Variants in MTHFD1 observed in about 807,000 individuals in gnomAD.
MTHFD1 encodes the protein methylenetetrahydrofolate dehydrogenase, cyclohydrolase and formyltetrahydrofolate synthetase 1, also known as C-1-tetrahydrofolate synthase, cytoplasmic.
In MTHFD1, 44 loss-of-function variants were observed where a neutral mutation model predicts 110.3. The ratio of observed to expected loss-of-function variants is 0.40; its 90% confidence interval spans 0.31 to 0.51. MTHFD1 has a LOEUF of 0.51. Among genes scored for constraint, MTHFD1 ranks in the 20% least tolerant of loss-of-function variants. The pLI, the probability that MTHFD1 is intolerant of heterozygous loss-of-function variation, is 0.60. For synonymous variants in MTHFD1, 402 were observed against 428.8 expected (o/e 0.94, Z 0.77); for missense variants, 909 against 1,173.1 (o/e 0.77, Z 3.29).
At chr14:64,430,348 G>A in intron 13 of MTHFD1, 118 bp downstream of exon 13, 1 of 958,594 alleles carries the variant, frequency 1.0e-6, no homozygotes, top group African/African-American at 1.6e-5. Flanking sequence ...CCCAGAGCTG[G>A]AGTGCAATGG....
chr14:64,418,106 G>C, intron 7 of MTHFD1, 82 bp downstream of exon 7: 1 of 1,524,208 alleles, frequency 6.6e-7, no homozygotes, highest in Admixed American at 1.7e-5. Context: ...TTACACTCAT[G>C]ACCTCATTTA....
chr14:64,425,552 C>T (rs573487726), intron 9 of MTHFD1, among the ~76,000 whole-genome samples, 178 bp from the exon 10 acceptor site: 3 of 152,172 alleles, frequency 2.0e-5, no homozygotes, highest in East Asian at 1.9e-4. Context: ...AGGGGCCAGG[C>T]GAGCAGCCCC....
At chr14:64,415,550 T>C (rs1262039351) in intron 5 of MTHFD1, 56 bp downstream of exon 5, 14 of 1,613,506 alleles carry the variant, frequency 8.7e-6, no homozygotes, top group African/African-American at 8.0e-5. Flanking sequence ...ATAATATGTT[T>C]CTATTTGGGG....
At chr14:64,449,768 C>A in intron 24 of MTHFD1, 146 bp downstream of exon 24, 1 of 894,538 alleles carries the variant, frequency 1.1e-6, no homozygotes, top group Non-Finnish European at 1.8e-6. Context: ...ACAACCACAG[C>A]CTGGACTCCC....
chr14:64,414,143 C>CGCCA (rs1252878232), intron 4 of MTHFD1, among the ~76,000 whole-genome samples: 2 of 151,980 alleles, frequency 1.3e-5, no homozygotes, highest in East Asian at 3.9e-4. Flanking sequence ...TACAGGCATG[C>CGCCA]GCCACCACGC....
At chr14:64,393,632 G>A (rs148570394) in intron 1 of MTHFD1, among the ~76,000 whole-genome samples, 8 of 152,262 alleles carry the variant, frequency 5.3e-5, no homozygotes, top group African/African-American at 1.7e-4. Flanking sequence ...CAACTACTAT[G>A]GTCATGGCAC....
Position 64,442,110 on chromosome 14 carries a change from C to T in MTHFD1, c.1941C>T (p.Ser647=), listed in dbSNP as rs565015496. ...TTGCCAACATCGCACATGGCAATTC[C>T]TCCATCATTGCAGACCGGATCGCAC... ...GPFANIAHGN[S]SIIADRIALK... is the part of the protein sequence containing the mutation. Residue 647 remains serine, a synonymous_variant, in exon 20 of 28, where the codon TCC becomes TCT. Coordinates refer to ENST00000652337, the MANE Select transcript of MTHFD1 (RefSeq NM_005956.4). The T allele has an allele frequency of 1.2e-6, 2 of 1,614,164 alleles. No individual in the cohort carries two copies. The highest frequency in any genetic ancestry group is 2.2e-5 in the South Asian group (2 of 91,090).
At chr14:64,449,091 G>A (rs756565269) in intron 23 of MTHFD1, 30 of 356,128 alleles carry the variant, frequency 8.4e-5, no homozygotes, top group Non-Finnish European at 1.4e-4. Context: ...GAGCCACCGC[G>A]CCCAGCCAGC....
At chr14:64,423,917 CG>C in intron 8 of MTHFD1, among the ~76,000 whole-genome samples, 1 of 151,876 alleles carries the variant, frequency 6.6e-6, no homozygotes, top group East Asian at 1.9e-4. Context: ...TTAGCAGAGA[CG>C]GGGTTTCACT....
chr14:64,453,754 C>G lies in MTHFD1; in HGVS notation c.2458C>G (p.Leu820Val). ...SSFQLLYDLK[L>V]PVEDKIRIIA... Reference sequence around the variant, plus strand: ...TCCCCATCTCTTTCTTGTGCATTAGCTCCCAGTTGAGGATAAAATCAGGAT... The same window carrying G: ...TCCCCATCTCTTTCTTGTGCATTAGGTCCCAGTTGAGGATAAAATCAGGAT... Residue 820 changes from leucine to valine, a missense_variant and splice_region_variant, in exon 25 of 28, where the codon CTC becomes GTC. This residue lies in a region of MTHFD1 where 482 missense variants were observed against 646.0 expected (regional missense o/e 0.75). Coordinates refer to ENST00000652337, the MANE Select transcript of MTHFD1 (RefSeq NM_005956.4). 1 of 1,589,038 alleles carries G rather than the reference C, an allele frequency of 6.3e-7. No homozygotes were observed. Among genetic ancestry groups the G allele is most frequent in the Non-Finnish European group, 8.6e-7 (1 of 1,157,786 alleles).
intron 8 of MTHFD1, among the ~76,000 whole-genome samples, chr14:64,421,801 A>G (rs1336111212): frequency 5.3e-5 from 8 of 151,456 alleles, no homozygotes; most frequent in Admixed American, 2.0e-4. Flanking sequence ...TTTTTTTTGT[A>G]TTTTTAGTAG....
At chr14:64,419,981 C>A in intron 8 of MTHFD1, 56 bp downstream of exon 8, 2 of 1,214,860 alleles carry the variant, frequency 1.6e-6, no homozygotes, top group South Asian at 1.2e-5. Context: ...GTATCTAGGT[C>A]ATCAAAAGAA....
At chr14:64,434,379 C>T (rs1245137360) in intron 15 of MTHFD1, among the ~76,000 whole-genome samples, 1 of 151,976 alleles carries the variant, frequency 6.6e-6, no homozygotes, top group Non-Finnish European at 1.5e-5. Flanking sequence ...AGCAAAACCT[C>T]GTCTCTACAA....
At chr14:64,430,114 CATTT>C (rs1307838569) in intron 12 of MTHFD1, 66 bp from the exon 13 acceptor site, 1 of 1,279,028 alleles carries the variant, frequency 7.8e-7, no homozygotes, top group African/African-American at 1.5e-5. Context: ...AATGCATTTG[CATTT>C]ATTTGATTTC....
At position 64,424,827 on chromosome 14, in the gene MTHFD1, A is replaced by G. The variant is rs1360692694; in HGVS notation, c.751A>G (p.Lys251Glu). The G allele has an allele frequency of 6.2e-7, 1 of 1,614,004 alleles. No homozygotes were observed. Among genetic ancestry groups the G allele is most frequent in the Non-Finnish European group, 8.5e-7 (1 of 1,180,044 alleles). The change falls in exon 9 of 28, where the codon AAA (lysine) becomes GAA (glutamate). Residue 251 changes from lysine to glutamate, a missense_variant. Physicochemically the swap from Lys to Glu is moderately conservative, Grantham distance 56. Around this residue, in one of 3 missense-constraint regions of MTHFD1, gnomAD observed 424 missense variants for 510.4 expected, o/e 0.83. Transcript: ENST00000652337. Reference protein sequence around the residue: ...VPDDKKPNGRKVVGDVAYDEA... With the variant: ...VPDDKKPNGREVVGDVAYDEA... ...AGATGATAAAAAACCAAATGGGAGA[A>G]AAGTTGTGGGTGATGTGGCATACGA...
intron 21 of MTHFD1, among the ~76,000 whole-genome samples, chr14:64,443,816 A>G (rs975070552): frequency 2.0e-5 from 3 of 152,140 alleles, no homozygotes; most frequent in Admixed American, 1.3e-4. Context: ...ATAATGTCCC[A>G]TAATGCTGTG....
chr14:64,398,538 C>G (rs577943932), intron 1 of MTHFD1, among the ~76,000 whole-genome samples: 5 of 152,260 alleles, frequency 3.3e-5, no homozygotes, highest in African/African-American at 7.2e-5. Context: ...TAGAGCCAGA[C>G]CCTGTCTCAA....
intron 8 of MTHFD1, 150 bp downstream of exon 8, chr14:64,420,075 T>C (rs867446199): frequency 2.0e-5 from 14 of 717,004 alleles, no homozygotes; most frequent in Middle Eastern, 3.0e-4. Flanking sequence ...ACAGAGTTAG[T>C]AGATAGAAGA....
At position 64,457,408 on chromosome 14, in the gene MTHFD1, G is replaced by C. The variant is rs377242612; in HGVS notation, c.2719-806G>C. On this transcript the variant is annotated intron_variant, in intron 26 of 27. Transcript: ENST00000652337. ...GACCACATGGAAGATGATAGTGAAG[G>C]CTGGCATTTGGTTTGCAGAAGGACA... Among the ~76,000 whole-genome samples, 124 of 151,988 alleles carry C rather than the reference G, an allele frequency of 8.2e-4. 1 individual carries two copies. In the South Asian group the frequency reaches 0.024, roughly 29 times the overall value.
Sources: allele counts gnomAD v4.1 joint callset (sites outside exome capture counted in the v4.1 genomes callset), GRCh38; gene constraint gnomAD v4.1.1; regional missense constraint gnomAD v4.1.1; transcripts MANE v1.5; gene names NCBI Gene and HGNC (gene_info 2026-07-23, HGNC 2026-07-21).